EIF2S3B: variants seen among roughly 807,000 people sequenced by gnomAD.
The protein encoded by EIF2S3B is eukaryotic translation initiation factor 2 subunit gamma B.
EIF2S3B carries 16 observed loss-of-function variants against 26.4 expected under a neutral mutation model. The observed-to-expected ratio is 0.61, with a 90% CI of 0.41 to 0.92. EIF2S3B has a LOEUF of 0.92. EIF2S3B is among the 40% of genes least tolerant of loss of function. EIF2S3B has a pLI of 0.00. For synonymous variants in EIF2S3B, 183 were observed against 204.4 expected (o/e 0.90, Z 0.89); for missense variants, 510 against 575.5 (o/e 0.89, Z 1.16).
chr12:10,517,297 T>C (rs1417088596), intron 1 of EIF2S3B, among the ~76,000 whole-genome samples: 4 of 152,094 alleles, frequency 2.6e-5, no homozygotes, highest in Non-Finnish European at 5.9e-5. Context: ...GAGCCTGTTA[T>C]TGGTCTATTC....
downstream of EIF2S3B, among the ~76,000 whole-genome samples, chr12:10,510,957 A>G (rs1205669210): frequency 1.3e-5 from 2 of 152,186 alleles, no homozygotes; most frequent in Admixed American, 6.5e-5. Flanking sequence ...TCAAATCAAT[A>G]TGACAATAGG....
In EIF2S3B at chr12:10,508,453, T is replaced by C. The variant is rs1409450125; in HGVS notation, c.*1132T>C. Reference sequence around the variant, plus strand: ...ATGTTTTTTCTTAACTGTTATATGATTGTGACACAGATTATAATATTACTA... The same window carrying C: ...ATGTTTTTTCTTAACTGTTATATGACTGTGACACAGATTATAATATTACTA... On this transcript the variant is annotated 3_prime_UTR_variant, in exon 1 of 1. Transcript: ENST00000538173. 6.9e-6 allele frequency among the ~76,000 whole-genome samples: 1 copy of C among 145,246 alleles called. No individual in the cohort carries two copies. Among genetic ancestry groups the C allele is most frequent in the Non-Finnish European group, 1.5e-5 (1 of 67,158 alleles).
intron 1 of EIF2S3B, among the ~76,000 whole-genome samples, chr12:10,518,406 G>C (rs1864789257): frequency 6.6e-6 from 1 of 152,048 alleles, no homozygotes; most frequent in South Asian, 2.1e-4. Context: ...TGTTTTATCA[G>C]AGACTAGGAT....
chr12:10,512,480 T>G (rs1203385395), downstream of EIF2S3B, among the ~76,000 whole-genome samples: 2 of 152,166 alleles, frequency 1.3e-5, no homozygotes, highest in Non-Finnish European at 2.9e-5. Flanking sequence ...ATATTTCTAT[T>G]ATTTAATATT....
chr12:10,512,302 TCAC>T (rs1864712852), downstream of EIF2S3B, among the ~76,000 whole-genome samples: 1 of 152,040 alleles, frequency 6.6e-6, no homozygotes. Context: ...ATTCTATCAC[TCAC>T]CATCTCATCT....
chr12:10,514,104 T>TA (rs1349478284), intron 1 of EIF2S3B, among the ~76,000 whole-genome samples: 4 of 152,172 alleles, frequency 2.6e-5, no homozygotes, highest in African/African-American at 9.7e-5. Flanking sequence ...AGCCATAATT[T>TA]AAAAAATAAT....
downstream of EIF2S3B, among the ~76,000 whole-genome samples, chr12:10,511,437 A>G (rs993482678): frequency 5.3e-5 from 8 of 152,144 alleles, no homozygotes; most frequent in Non-Finnish European, 1.0e-4. Context: ...GATTACAGGC[A>G]TGAGCTACCG....
Position 10,508,209 on chromosome 12 carries a change from T to G in EIF2S3B, c.*888T>G, listed in dbSNP as rs1286027696. ...AATGAAATTGTCCTTTAGAGCATGA[T>G]TACTTGTTCCCATGGGCAAATAATT... On this transcript the variant is annotated 3_prime_UTR_variant, in exon 1 of 1. Coordinates refer to ENST00000538173, the MANE Select transcript of EIF2S3B (RefSeq NM_001357734.3). Among the ~76,000 whole-genome samples the G allele has an allele frequency of 6.6e-6, 1 of 152,124 alleles. No individual in the cohort carries two copies. The highest frequency in any genetic ancestry group is 2.4e-5 in the African/African-American group (1 of 41,420).
At position 10,506,911 on chromosome 12, in the gene EIF2S3B, A is replaced by C. The variant is rs769406166; in HGVS notation, c.1009A>C (p.Ile337Leu). 5.1e-5 allele frequency: 82 copies of C among 1,613,662 alleles called. No homozygotes were observed. The highest frequency in any genetic ancestry group is 1.6e-4 in the Middle Eastern group (1 of 6,082). Residue 337 changes from isoleucine (I) to leucine (L), a missense_variant, in exon 1 of 1, where the codon ATT becomes CTT. Transcript: ENST00000538173. ...DLQYAAPGGL[I>L]GVGTKIDPTL... ...GCAATATGCTGCTCCAGGCGGTCTT[A>C]TTGGAGTTGGAACAAAAATTGACCC...
At chr12:10,517,938 T>C (rs1240234934) in intron 1 of EIF2S3B, among the ~76,000 whole-genome samples, 1 of 150,816 alleles carries the variant, frequency 6.6e-6, no homozygotes, top group Non-Finnish European at 1.5e-5. Context: ...AGTTTCTTAA[T>C]CCTGAGTTCT....
chr12:10,510,292 G>C (rs538979199), downstream of EIF2S3B, among the ~76,000 whole-genome samples: 1 of 152,070 alleles, frequency 6.6e-6, no homozygotes, highest in African/African-American at 2.4e-5. Flanking sequence ...TCCACCAAAT[G>C]GGTCAAATAA....
chr12:10,513,044 C>G (rs1449993399), downstream of EIF2S3B, among the ~76,000 whole-genome samples: 3 of 152,148 alleles, frequency 2.0e-5, no homozygotes, highest in African/African-American at 7.2e-5. Flanking sequence ...TTACATTTAT[C>G]TACTTGTATA....
At chr12:10,513,650 G>A (rs895892583) in intron 1 of EIF2S3B, among the ~76,000 whole-genome samples, 1 of 152,156 alleles carries the variant, frequency 6.6e-6, no homozygotes, top group African/African-American at 2.4e-5. Flanking sequence ...GCCATGTTCA[G>A]CTTTAGAAGA....
At chr12:10,512,050 C>A (rs1213785386), downstream of EIF2S3B, among the ~76,000 whole-genome samples, 1 of 152,168 alleles carries the variant, frequency 6.6e-6, no homozygotes, top group Non-Finnish European at 1.5e-5. Flanking sequence ...AGCTATTGTT[C>A]CATTCAGCAA....
intron 1 of EIF2S3B, among the ~76,000 whole-genome samples, chr12:10,521,502 T>A (rs1864832580): frequency 6.6e-6 from 1 of 152,114 alleles, no homozygotes; most frequent in Non-Finnish European, 1.5e-5. Flanking sequence ...TATGTGTATA[T>A]ATGTACATAT....
At chr12:10,508,968 T>C (rs1864678219), downstream of EIF2S3B, among the ~76,000 whole-genome samples, 1 of 152,124 alleles carries the variant, frequency 6.6e-6, no homozygotes. Context: ...TATGTGAGGG[T>C]AATATTAATA....
intron 1 of EIF2S3B, among the ~76,000 whole-genome samples, chr12:10,515,908 AGT>A (rs945301916): frequency 2.0e-5 from 3 of 150,230 alleles, no homozygotes; most frequent in African/African-American, 7.4e-5. Context: ...AATTTATACT[AGT>A]ATATATATAT....
intron 1 of EIF2S3B, among the ~76,000 whole-genome samples, chr12:10,518,609 T>A (rs920666344): frequency 5.3e-5 from 8 of 152,068 alleles, no homozygotes; most frequent in African/African-American, 1.9e-4. Flanking sequence ...CATTTAAAGT[T>A]AATATTTCTC....
rs527760526 is a variant in EIF2S3B at position 10,507,056 on chromosome 12, G to A, written c.1154G>A (p.Arg385His). 8.3e-5 allele frequency: 134 copies of A among 1,613,756 alleles called. No homozygotes were observed. The highest frequency in any genetic ancestry group is 7.4e-4 in the East Asian group (33 of 44,888). ...CTGCTTAGACGGCTTCTAGGTGTAC[G>A]CACTGAAGGAGACAAGAAAGCAGCA... Reference protein sequence around the residue: ...YFLLRRLLGVRTEGDKKAAKV... With the variant: ...YFLLRRLLGVHTEGDKKAAKV... The change falls in exon 1 of 1, where the codon CGC becomes CAC. Residue 385 changes from arginine (R) to histidine (H), a missense_variant. By Grantham distance (29) the Arg-to-His change is conservative (BLOSUM62 0). Transcript: ENST00000538173.
Sources: gnomAD v4.1 joint callset for allele counts (sites outside exome capture counted in the v4.1 genomes callset) on GRCh38, gnomAD v4.1.1 for gene constraint, MANE v1.5 for transcripts, NCBI Gene and HGNC (gene_info 2026-07-23, HGNC 2026-07-21) for gene names.